MAT2B: variants seen among roughly 807,000 people sequenced by gnomAD.
MAT2B encodes the protein methionine adenosyltransferase 2 non-catalytic beta subunit.
MAT2B carries 16 observed loss-of-function variants against 36.1 expected under a neutral mutation model. That is an observed-to-expected ratio of 0.44 (90% CI 0.30 to 0.67). The LOEUF (loss-of-function observed/expected upper bound fraction) is 0.67. Among genes scored for constraint, MAT2B ranks in the 30% least tolerant of loss-of-function variants. The pLI, the probability that MAT2B is intolerant of heterozygous loss-of-function variation, is 0.09. For synonymous variants in MAT2B, 148 were observed against 136.9 expected (o/e 1.08, Z -0.57); for missense variants, 332 against 398.2 (o/e 0.83, Z 1.42).
At chr5:163,515,782 T>C (rs1178187489) in intron 4 of MAT2B, among the ~76,000 whole-genome samples, 12 of 133,706 alleles carry the variant, frequency 9.0e-5, no homozygotes, top group African/African-American at 1.7e-4. Flanking sequence ...TTTTTTTTTT[T>C]TTTTTTTTTT....
rs1760161449 is a variant in MAT2B at position 163,518,205 on chromosome 5, C to T, written c.847C>T (p.Pro283Ser). The T allele has an allele frequency of 1.9e-6, 3 of 1,599,876 alleles. No homozygotes were observed. In the Admixed American group the frequency reaches 5.3e-5, roughly 28 times the overall value. ...TCTTTCTTTAAAGATTACTGACAGC[C>T]CTGTCCTAGGAGCACAACGTCCGAG... ...SSHLRPITDS[P>S]VLGAQRPRNA... is the part of the protein sequence containing the mutation. Residue 283 changes from proline to serine, a missense_variant, in exon 7 of 7, where the codon CCT becomes TCT. By Grantham distance (74) the Pro-to-Ser change is moderately conservative. Transcript: ENST00000321757.
chr5:163,515,704 T>A (rs1045261296), intron 4 of MAT2B, among the ~76,000 whole-genome samples: 1 of 151,586 alleles, frequency 6.6e-6, no homozygotes, highest in African/African-American at 2.4e-5. Flanking sequence ...AATGTAGGAT[T>A]TATATATATA....
At chr5:163,516,838 C>G in intron 5 of MAT2B, 127 bp downstream of exon 5, 1 of 845,490 alleles carries the variant, frequency 1.2e-6, no homozygotes, top group Admixed American at 2.1e-5. Context: ...AACTAGGAGA[C>G]CAAACAAAAG....
chr5:163,505,884 C>T, intron 1 of MAT2B, 135 bp downstream of exon 1: 1 of 594,640 alleles, frequency 1.7e-6, no homozygotes, highest in Non-Finnish European at 2.5e-6. Flanking sequence ...CACCGCCACC[C>T]TCCCAGCCCC....
intron 4 of MAT2B, 39 bp from the exon 5 acceptor site, chr5:163,516,479 T>G: frequency 6.5e-7 from 1 of 1,536,572 alleles, no homozygotes; most frequent in Middle Eastern, 1.7e-4. Context: ...AATTTAAGAA[T>G]CAGTCAGCTT....
upstream of MAT2B, among the ~76,000 whole-genome samples, chr5:163,504,161 C>A (rs1048184886): frequency 1.3e-5 from 2 of 152,104 alleles, no homozygotes; most frequent in Non-Finnish European, 2.9e-5. Context: ...AAACTTTAAA[C>A]CGAATTCCCA....
chr5:163,518,255 A>G lies in MAT2B; in HGVS notation c.897A>G (p.Lys299=), dbSNP rs754294369. 57 of 1,613,876 alleles carry G rather than the reference A, an allele frequency of 3.5e-5. No individual in the cohort carries two copies. The highest frequency in any genetic ancestry group is 3.4e-5 in the Non-Finnish European group (40 of 1,179,936). The change falls in exon 7 of 7, where the codon AAA becomes AAG. Residue 299 remains lysine (K), a synonymous_variant. Coordinates refer to ENST00000321757, the MANE Select transcript of MAT2B (RefSeq NM_013283.5). ...RPRNAQLDCS[K]LETLGIGQRT... ...GAAATGCTCAGCTTGACTGCTCCAA[A>G]TTGGAGACCTTGGGCATTGGCCAAC...
At chr5:163,507,504 C>A (rs1448715132) in intron 1 of MAT2B, among the ~76,000 whole-genome samples, 1 of 152,100 alleles carries the variant, frequency 6.6e-6, no homozygotes, top group African/African-American at 2.4e-5. Flanking sequence ...GTAACTTAAA[C>A]TGATATTAGA....
chr5:163,508,897 T>C (rs770473981), intron 1 of MAT2B, among the ~76,000 whole-genome samples: 2 of 152,226 alleles, frequency 1.3e-5, no homozygotes, highest in Non-Finnish European at 2.9e-5. Context: ...CAACATTTTA[T>C]TTGAAAATTA....
At chr5:163,503,548 T>C, upstream of MAT2B, 1 of 926,160 alleles carries the variant, frequency 1.1e-6, no homozygotes, top group Non-Finnish European at 1.8e-6. Flanking sequence ...TGTCATTCAT[T>C]TCCTTAAAAC....
In MAT2B at chr5:163,512,172, T is replaced by A; in HGVS notation, c.234T>A (p.Val78=). The A allele has an allele frequency of 1.2e-6, 2 of 1,613,988 alleles. No individual in the cohort carries two copies. The highest frequency in any genetic ancestry group is 1.7e-6 in the Non-Finnish European group (2 of 1,179,832). Residue 78 remains valine, a synonymous_variant, in exon 2 of 7, where the codon GTT becomes GTA. Coordinates refer to ENST00000321757, the MANE Select transcript of MAT2B (RefSeq NM_013283.5). The part of the protein sequence containing the change: ...EQVNLLDSNA[V]HHIIHDFQPH... The stretch of plus-strand genomic sequence containing the variant: ...TTAATCTGTTGGATTCTAATGCAGT[T>A]CATCACATCATTCATGATTTTCAGG...
chr5:163,508,772 G>GA lies in MAT2B; in HGVS notation c.63+3030dup, dbSNP rs994025464. Among the ~76,000 whole-genome samples, 38 of 151,946 alleles carry GA rather than the reference G, an allele frequency of 2.5e-4. 1 individual carries two copies. Among genetic ancestry groups the GA allele is most frequent in the Middle Eastern group, 3.4e-3 (1 of 294 alleles). ...AGCTTAGATTACCTAAAATTACCTA[G>GA]AAAAAAATATGAAACAGTGTACAGT... is the stretch of plus-strand genomic sequence containing the variant. On this transcript the variant is annotated intron_variant, in intron 1 of 6. Coordinates refer to ENST00000321757, the MANE Select transcript of MAT2B (RefSeq NM_013283.5).
intron 3 of MAT2B, 77 bp from the exon 4 acceptor site, chr5:163,513,765 C>G: frequency 6.6e-7 from 1 of 1,504,060 alleles, no homozygotes; most frequent in Non-Finnish European, 9.1e-7. Flanking sequence ...TTTTATATAT[C>G]ATGAAAAACC....
intron 4 of MAT2B, among the ~76,000 whole-genome samples, chr5:163,515,721 A>G (rs1760119556): frequency 6.6e-6 from 1 of 151,188 alleles, no homozygotes; most frequent in African/African-American, 2.4e-5. Flanking sequence ...TATAAAAAAA[A>G]CTAGTCCAAA....
chr5:163,513,779 C>T, intron 3 of MAT2B, 63 bp from the exon 4 acceptor site: 1 of 1,541,650 alleles, frequency 6.5e-7, no homozygotes, highest in Non-Finnish European at 8.9e-7. Flanking sequence ...AAAAACCATT[C>T]TAAATTCCAT....
Position 163,512,251 on chromosome 5 carries a change from T to A in MAT2B, c.258+55T>A, listed in dbSNP as rs886490464. 9.8e-6 allele frequency: 14 copies of A among 1,423,432 alleles called. No homozygotes were observed. The Admixed American group carries it at 1.7e-4, about 17-fold the overall frequency. The allele number at this position is 1,423,432 out of a possible 1,614,324, so 88.2% of individuals were successfully genotyped here. ...TGAACAATATTAAGAGTTGTCTGGA[T>A]GATACAGAAACTATCCTTGCTCTCA... On this transcript the variant is annotated intron_variant, in intron 2 of 6. Transcript: ENST00000321757.
At position 163,518,315 on chromosome 5, in the gene MAT2B, T is replaced by A; in HGVS notation, c.957T>A (p.Leu319=). ...TTCGAATTGGAATCAAAGAATCACT[T>A]TGGCCTTTCCTCATTGACAAGAGAT... The part of the protein sequence containing the change: ...TPFRIGIKES[L]WPFLIDKRWR... Residue 319 remains leucine, a synonymous_variant, in exon 7 of 7, where the codon CTT becomes CTA. Transcript: ENST00000321757. 1 of 1,613,862 alleles carries A rather than the reference T, an allele frequency of 6.2e-7. No individual in the cohort carries two copies. Among genetic ancestry groups the A allele is most frequent in the Non-Finnish European group, 8.5e-7 (1 of 1,179,876 alleles).
At chr5:163,503,814 A>C (rs1222228480), upstream of MAT2B, among the ~76,000 whole-genome samples, 1 of 152,154 alleles carries the variant, frequency 6.6e-6, no homozygotes. Context: ...GCTCTCTTTA[A>C]ATGTATAGAC....
rs778558782 is a variant in MAT2B at position 163,518,166 on chromosome 5, T to A, written c.835-27T>A. 3 of 1,547,168 alleles carry A rather than the reference T, an allele frequency of 1.9e-6. No individual in the cohort carries two copies. The Admixed American group carries it at 6.2e-5, about 32-fold the overall frequency. On this transcript the variant is annotated intron_variant, in intron 6 of 6. Transcript: ENST00000321757. ...AATATAGCCTTTCACTTACTTTTGA[T>A]TTTTTTGTGTTTATCTTTCTTTAAA...
Sources: gnomAD v4.1 joint callset for allele counts (sites outside exome capture counted in the v4.1 genomes callset) on GRCh38, gnomAD v4.1.1 for gene constraint, MANE v1.5 for transcripts, NCBI Gene and HGNC (gene_info 2026-07-23, HGNC 2026-07-21) for gene names.